Variants in CFAP61 observed in about 807,000 individuals in gnomAD.
CFAP61 encodes cilia- and flagella-associated protein 61.
In CFAP61, 107 loss-of-function variants were observed where a neutral mutation model predicts 135.6. The ratio of observed to expected loss-of-function variants is 0.79; its 90% CI spans 0.67 to 0.93. CFAP61 has a LOEUF of 0.93. Among genes scored for constraint, CFAP61 ranks in the 40% least tolerant of loss-of-function variants. The pLI, the probability that CFAP61 is intolerant of heterozygous loss-of-function variation, is 0.00. For missense variants in CFAP61, 1,507 were observed against 1,556.2 expected, an observed-to-expected ratio of 0.97 and a Z score of 0.53; for synonymous variants, 575 against 578.5, an observed-to-expected ratio of 0.99 and a Z score of 0.09.
intron 18 of CFAP61, among the ~76,000 whole-genome samples, chr20:20,234,737 G>A (rs943360102): frequency 2.6e-5 from 4 of 152,098 alleles, no homozygotes; most frequent in Admixed American, 6.5e-5. Context: ...CTGGGGGTAG[G>A]GCCAGGCTCT....
chr20:20,150,837 C>T (rs1165594428), intron 9 of CFAP61, among the ~76,000 whole-genome samples: 1 of 152,122 alleles, frequency 6.6e-6, no homozygotes, highest in African/African-American at 2.4e-5. Context: ...TCAGGAAGTC[C>T]CATCTGTAGG....
intron 8 of CFAP61, among the ~76,000 whole-genome samples, chr20:20,128,964 C>T (rs1324714088): frequency 1.3e-5 from 2 of 151,570 alleles, no homozygotes; most frequent in East Asian, 3.9e-4. Flanking sequence ...TATTTTTATA[C>T]TATCTATCTC....
At chr20:20,129,691 G>GT (rs1451083822) in intron 8 of CFAP61, among the ~76,000 whole-genome samples, 33 of 146,194 alleles carry the variant, frequency 2.3e-4, no homozygotes, top group East Asian at 2.1e-4. Flanking sequence ...TCTTAGATTT[G>GT]TTTTTTTCAG....
intron 24 of CFAP61, among the ~76,000 whole-genome samples, chr20:20,296,958 C>T (rs1259776696): frequency 3.3e-5 from 5 of 152,066 alleles, no homozygotes; most frequent in Non-Finnish European, 7.4e-5. Context: ...TCTATCCATC[C>T]ATTTCTATAA....
rs139564644 is a variant in CFAP61, at chr20:20,188,042, G to A, written c.1498G>A (p.Ala500Thr). Reference protein sequence around the residue: ...ILEDLDRYNKARKDPDGTLLQ... With the variant: ...ILEDLDRYNKTRKDPDGTLLQ... ...GGAGGACTTAGACCGTTACAACAAGGCTCGCAAAGACCCTGTAAGTACCTG... is the reference window on the plus strand; with the variant it reads ...GGAGGACTTAGACCGTTACAACAAGACTCGCAAAGACCCTGTAAGTACCTG... Residue 500 changes from alanine to threonine, a missense_variant, in exon 14 of 27, where the codon GCT (alanine) becomes ACT (threonine). Transcript: ENST00000245957. The A allele has an allele frequency of 2.1e-5, 34 of 1,614,146 alleles. No individual in the cohort carries two copies. In the Middle Eastern group the frequency reaches 2.6e-3, roughly 125 times the overall value.
In CFAP61 at chr20:20,163,985, C is replaced by T. The variant is rs890263921; in HGVS notation, c.1027-65C>T. The T allele has an allele frequency of 4.4e-6, 6 of 1,354,016 alleles. No homozygotes were observed. The African/African-American group carries it at 5.8e-5, about 13-fold the overall frequency. 83.9% of individuals were successfully genotyped at this position (1,354,016 alleles called of 1,614,324 possible). Reference sequence around the variant, plus strand: ...GTGTCATGTAGAGATAATGCAGCCACCAGCCCACTAAATTACAGGGCATTG... The same window carrying T: ...GTGTCATGTAGAGATAATGCAGCCATCAGCCCACTAAATTACAGGGCATTG... On this transcript the variant is annotated intron_variant, in intron 10 of 26. Coordinates refer to ENST00000245957, the MANE Select transcript of CFAP61 (RefSeq NM_015585.4).
chr20:20,087,317 C>CT, intron 6 of CFAP61, among the ~76,000 whole-genome samples: 1 of 152,230 alleles, frequency 6.6e-6, no homozygotes, highest in South Asian at 2.1e-4. Context: ...TCCCCAGTGT[C>CT]TATCGTTACC....
intron 8 of CFAP61, among the ~76,000 whole-genome samples, chr20:20,132,791 AT>A (rs1178782800): frequency 6.6e-6 from 1 of 151,706 alleles, no homozygotes; most frequent in Non-Finnish European, 1.5e-5. Context: ...ACTTTTTCTG[AT>A]TTTAATATGG....
At chr20:20,073,961 C>T (rs1354674627) in intron 3 of CFAP61, 2 of 249,554 alleles carry the variant, frequency 8.0e-6, no homozygotes, top group South Asian at 7.1e-5. Flanking sequence ...GGCATAGACA[C>T]CCCTGAGGAC....
At chr20:20,123,824 C>T (rs115466552) in intron 8 of CFAP61, among the ~76,000 whole-genome samples, 15,031 of 151,538 alleles carry the variant, frequency 0.099, 1,653 homozygotes, top group East Asian at 0.59. Flanking sequence ...CTTTTGGCAG[C>T]ATGGTCATTT....
rs1342553280 is a variant in CFAP61, at chr20:20,269,140, T to TAC, written c.2503+6011_2503+6012insCA. On this transcript the variant is annotated intron_variant, in intron 21 of 26. Coordinates refer to ENST00000245957, the MANE Select transcript of CFAP61 (RefSeq NM_015585.4). ...GGCTATATATATATATATATATATA[T>TAC]ATATATACACACACACACACACACA... 4.3e-3 allele frequency among the ~76,000 whole-genome samples: 368 copies of TAC among 86,380 alleles called. 4 individuals are homozygous for TAC. The highest frequency in any genetic ancestry group is 0.013 in the African/African-American group (352 of 26,598). The allele number at this position is 86,380 out of a possible 152,430, so 56.7% of individuals were successfully genotyped here.
intron 20 of CFAP61, among the ~76,000 whole-genome samples, chr20:20,260,146 C>A (rs1010517206): frequency 3.9e-5 from 6 of 152,196 alleles, no homozygotes. Context: ...TGCCTACAAA[C>A]TCCTCTTAGT....
intron 3 of CFAP61, chr20:20,074,026 A>T: frequency 2.2e-6 from 1 of 445,414 alleles, no homozygotes; most frequent in Non-Finnish European, 4.1e-6. Flanking sequence ...CCCGCAGCTC[A>T]TTCGTGAGGG....
At chr20:20,166,997 T>C (rs960113483) in intron 12 of CFAP61, among the ~76,000 whole-genome samples, 1 of 152,174 alleles carries the variant, frequency 6.6e-6, no homozygotes, top group African/African-American at 2.4e-5. Context: ...TCTTGTCTCA[T>C]TATTTTCTAG....
At chr20:20,337,078 A>G (rs2058222290) in intron 25 of CFAP61, among the ~76,000 whole-genome samples, 1 of 152,252 alleles carries the variant, frequency 6.6e-6, no homozygotes, top group African/African-American at 2.4e-5. Context: ...CACCTGGGAC[A>G]GAGAAGAGAG....
intron 2 of CFAP61, among the ~76,000 whole-genome samples, chr20:20,058,895 CAAGG>C (rs1010966613): frequency 1.3e-5 from 2 of 151,970 alleles, no homozygotes; most frequent in African/African-American, 4.8e-5. Flanking sequence ...CGTAAACACA[CAAGG>C]AAACATGTAT....
intron 13 of CFAP61, among the ~76,000 whole-genome samples, chr20:20,176,967 A>G (rs1569071375): frequency 1.3e-5 from 2 of 151,848 alleles, no homozygotes; most frequent in African/African-American, 4.8e-5. Context: ...ACTTTTTATT[A>G]TTTTATTTTA....
chr20:20,319,955 C>T (rs770230466), intron 25 of CFAP61, among the ~76,000 whole-genome samples: 4 of 152,018 alleles, frequency 2.6e-5, no homozygotes, highest in Non-Finnish European at 5.9e-5. Flanking sequence ...CCAAATTGAA[C>T]CTGAGTCTGA....
chr20:20,067,689 T>G (rs1349675168), intron 2 of CFAP61, among the ~76,000 whole-genome samples: 1 of 117,196 alleles, frequency 8.5e-6, no homozygotes, highest in Non-Finnish European at 1.7e-5. Flanking sequence ...TTATATATAA[T>G]TTTTTTATAT....
Sources: allele counts gnomAD v4.1 joint callset (sites outside exome capture counted in the v4.1 genomes callset), GRCh38; gene constraint gnomAD v4.1.1; transcripts MANE v1.5; gene names NCBI Gene and HGNC (gene_info 2026-07-23, HGNC 2026-07-21).